COL16A1: variants seen among roughly 807,000 people sequenced by gnomAD.
COL16A1 encodes the protein collagen alpha-1(XVI) chain.
In COL16A1, 189 loss-of-function variants were observed where a neutral mutation model predicts 266.3. The observed-to-expected ratio is 0.71, with a 90% confidence interval of 0.63 to 0.80. COL16A1 has a LOEUF of 0.80. Ranked by LOEUF, COL16A1 falls within the 30% of genes least tolerant of loss-of-function variation. COL16A1 has a pLI of 0.00. For synonymous variants in COL16A1, 740 were observed against 782.3 expected, an observed-to-expected ratio of 0.95 and a Z score of 0.90; for missense variants, 1,928 against 2,122.4, an observed-to-expected ratio of 0.91 and a Z score of 1.80.
At position 31,661,095 on chromosome 1, in the gene COL16A1, G is replaced by T. The variant is rs907747180; in HGVS notation, c.3796C>A (p.Pro1266Thr). The part of the protein sequence containing the change: ...PKGDCGKPGP[P>T]GSTGRPGAEG... ...GCGCCAGGCCGGCCAGTGCTGCCAG[G>T]GGGACCTGGTTTGCCACAGTCACCC... The change falls in exon 61 of 71, where the codon CCT becomes ACT. Residue 1266 changes from proline to threonine, a missense_variant. By Grantham distance (38) the Pro-to-Thr change is conservative. Coordinates refer to ENST00000373672, the MANE Select transcript of COL16A1 (RefSeq NM_001856.4). The T allele has an allele frequency of 6.4e-6, 10 of 1,565,742 alleles. No individual in the cohort carries two copies. The highest frequency in any genetic ancestry group is 7.8e-6 in the Non-Finnish European group (9 of 1,154,212).
In COL16A1 at chr1:31,691,344, C is replaced by G. The variant is rs377449159; in HGVS notation, c.1398+73G>C. 97 of 1,581,450 alleles carry G rather than the reference C, an allele frequency of 6.1e-5. 1 individual carries two copies. The African/African-American group carries it at 6.5e-4, about 11-fold the overall frequency. ...CTGGGACAGAGCCTTATCTTCCCCC[C>G]GTTCATTCCCTGGCCAGGGTGGGAG... On this transcript the variant is annotated intron_variant, in intron 19 of 70. Coordinates refer to ENST00000373672, the MANE Select transcript of COL16A1 (RefSeq NM_001856.4).
At chr1:31,700,423 C>G (rs1254595419) in intron 2 of COL16A1, among the ~76,000 whole-genome samples, 1 of 152,252 alleles carries the variant, frequency 6.6e-6, no homozygotes, top group Non-Finnish European at 1.5e-5. Context: ...AAGTCAGGAG[C>G]TAGGCCAGCA....
Position 31,658,765 on chromosome 1 carries a change from G to A in COL16A1, c.3930+149C>T, listed in dbSNP as rs144832433. On this transcript the variant is annotated intron_variant, in intron 63 of 70. Coordinates refer to ENST00000373672, the MANE Select transcript of COL16A1 (RefSeq NM_001856.4). ...AGCCCTCTGCCACATCCTGGAAGGCGAGATCTTTGGAGGCAGGAGAGGCTG... is the reference window on the plus strand; with the variant it reads ...AGCCCTCTGCCACATCCTGGAAGGCAAGATCTTTGGAGGCAGGAGAGGCTG... 360 of 1,112,926 alleles carry A rather than the reference G, an allele frequency of 3.2e-4. 1 individual carries two copies. The African/African-American group carries it at 5.0e-3, about 16-fold the overall frequency. 68.9% of individuals were successfully genotyped at this position (1,112,926 alleles called of 1,614,324 possible).
At chr1:31,672,687 C>T (rs1642833282) in intron 45 of COL16A1, 37 bp downstream of exon 45, 2 of 1,608,476 alleles carry the variant, frequency 1.2e-6, no homozygotes, top group Admixed American at 3.4e-5. Context: ...GCCAGGGAAC[C>T]CTCCTGCATA....
chr1:31,675,380 C>T, intron 42 of COL16A1, 69 bp from the exon 43 acceptor site: 1 of 1,573,576 alleles, frequency 6.4e-7, no homozygotes, highest in Non-Finnish European at 8.6e-7. Context: ...CTGTTTCCTT[C>T]TCATCATCCC....
Position 31,688,855 on chromosome 1 carries a change from A to C in COL16A1, c.1767+6T>G. ...TGGGCTGGGCTGGGAGAAAGTCGTC[A>C]CTCACCGGAAGGCCAGGCAGACCAA... On this transcript the variant is annotated splice_donor_region_variant and intron_variant, in intron 25 of 70. Transcript: ENST00000373672. The surrounding 1 kb of genome is among the most constrained non-coding windows in gnomAD (Gnocchi z 4.9). 18 of 1,611,988 alleles carry C rather than the reference A, an allele frequency of 1.1e-5. No individual in the cohort carries two copies. Among genetic ancestry groups the C allele is most frequent in the Non-Finnish European group, 1.5e-5 (18 of 1,178,906 alleles).
intron 58 of COL16A1, 39 bp from the exon 59 acceptor site, chr1:31,661,743 G>T: frequency 6.3e-7 from 1 of 1,582,964 alleles, no homozygotes; most frequent in East Asian, 2.2e-5. Context: ...CAAGAGTTTT[G>T]CCCAGCTTGT....
chr1:31,680,134 T>A (rs1254056353), intron 39 of COL16A1, 33 bp from the exon 40 acceptor site: 4 of 1,606,736 alleles, frequency 2.5e-6, no homozygotes, highest in Non-Finnish European at 3.4e-6. Flanking sequence ...GAGACATGGA[T>A]GAAGACGAAG....
In COL16A1 at chr1:31,697,965, T is replaced by G. The variant is rs750351217; in HGVS notation, c.598A>C (p.Met200Leu). 4.3e-6 allele frequency: 7 copies of G among 1,612,606 alleles called. No individual in the cohort carries two copies. Among genetic ancestry groups the G allele is most frequent in the Non-Finnish European group, 5.9e-6 (7 of 1,179,962 alleles). The change falls in exon 6 of 71, where the codon ATG becomes CTG. Residue 200 changes from methionine (M) to leucine (L), a missense_variant. Transcript: ENST00000373672. The surrounding 1 kb of genome is among the most constrained non-coding windows in gnomAD (Gnocchi z 4.2). Reference sequence around the variant, plus strand: ...AGAAATACATGGCCCACAGGCCTCATGGGTCGTCGGGGCCCCAGAGGCTGG... The same window carrying G: ...AGAAATACATGGCCCACAGGCCTCAGGGGTCGTCGGGGCCCCAGAGGCTGG... ...SSQPLGPRRP[M>L]RPVGHVFLGL...
intron 26 of COL16A1, among the ~76,000 whole-genome samples, chr1:31,686,927 A>C (rs999502902): frequency 6.6e-6 from 1 of 152,250 alleles, no homozygotes; most frequent in Non-Finnish European, 1.5e-5. Context: ...CGGCTAAAGC[A>C]GAGTAAACCC....
Position 31,682,963 on chromosome 1 carries a change from G to T in COL16A1, c.2509C>A (p.Pro837Thr), listed in dbSNP as rs376794116. The change falls in exon 37 of 71, where the codon CCT becomes ACT. Residue 837 changes from proline to threonine, a missense_variant. By Grantham distance (38) the Pro-to-Thr change is conservative. Transcript: ENST00000373672. ...GVKGATGPVGPPGASVSGPPG... is the reference protein window; with the variant it reads ...GVKGATGPVGTPGASVSGPPG... ...GGCCCAGAGACACTGGCCCCAGGAGGTCCCACAGGTCCGGTGGCTCCTTTC... is the reference window on the plus strand; with the variant it reads ...GGCCCAGAGACACTGGCCCCAGGAGTTCCCACAGGTCCGGTGGCTCCTTTC... 1.1e-5 allele frequency: 18 copies of T among 1,614,040 alleles called. No individual in the cohort carries two copies. Among genetic ancestry groups the T allele is most frequent in the Non-Finnish European group, 1.4e-5 (17 of 1,180,018 alleles).
intron 30 of COL16A1, 62 bp from the exon 31 acceptor site, chr1:31,684,692 G>A: frequency 2.5e-6 from 4 of 1,607,262 alleles, no homozygotes; most frequent in Non-Finnish European, 3.4e-6. Context: ...TTGCCCCCCT[G>A]GGACTCGCAG....
At position 31,666,045 on chromosome 1, in the gene COL16A1, C is replaced by G. The variant is rs1642113877; in HGVS notation, c.3394G>C (p.Gly1132Arg). 6.2e-7 allele frequency: 1 copy of G among 1,613,304 alleles called. No homozygotes were observed. The highest frequency in any genetic ancestry group is 1.3e-5 in the African/African-American group (1 of 74,824). Residue 1132 changes from glycine to arginine, a missense_variant, in exon 53 of 71, where the codon GGC becomes CGC. Physicochemically the swap from Gly to Arg is moderately radical, Grantham distance 125. Coordinates refer to ENST00000373672, the MANE Select transcript of COL16A1 (RefSeq NM_001856.4). Reference protein sequence around the residue: ...PGSEGLPGPPGPAGPRGERGP... With the variant: ...PGSEGLPGPPRPAGPRGERGP... ...TGCCCTCCTTCACTCACCGCTGGGC[C>G]TGGGGGGCCTGGGAGGCCTTCAGAT... is the stretch of plus-strand genomic sequence containing the variant.
chr1:31,691,507 G>A lies in COL16A1; in HGVS notation c.1308C>T (p.Asp436=), dbSNP rs200570734. ...GCCCCTCAGGCCCAACAAAGCCAGGGTCTCCCTGGCACAGACATAAGGTGG... is the reference window on the plus strand; with the variant it reads ...GCCCCTCAGGCCCAACAAAGCCAGGATCTCCCTGGCACAGACATAAGGTGG... ...CVIGPKGQKG[D]PGFVGPEGLA... Residue 436 remains aspartate, a synonymous_variant, in exon 19 of 71, where the codon GAC becomes GAT. Coordinates refer to ENST00000373672, the MANE Select transcript of COL16A1 (RefSeq NM_001856.4). 5.9e-5 allele frequency: 95 copies of A among 1,613,824 alleles called. No homozygotes were observed. The African/African-American group carries it at 9.3e-4, about 16-fold the overall frequency.
intron 12 of COL16A1, among the ~76,000 whole-genome samples, chr1:31,693,835 T>C (rs1168711540): frequency 6.6e-6 from 1 of 152,158 alleles, no homozygotes; most frequent in Non-Finnish European, 1.5e-5. Context: ...TGGGCCTCAG[T>C]TTCCCCTGAA....
Position 31,655,470 on chromosome 1 carries a change from C to G in COL16A1, c.4134G>C (p.Gln1378His), listed in dbSNP as rs768728564. Residue 1378 changes from glutamine (Q) to histidine (H), a missense_variant, in exon 67 of 71, where the codon CAG becomes CAC. Gln to His is a conservative substitution (Grantham distance 24). Around this residue, in one of 2 missense-constraint regions of COL16A1, gnomAD observed 376 missense variants for 485.2 expected, o/e 0.77. Transcript: ENST00000373672. ...GDPGAAGQKG[Q>H]AGEKGRAGMP... ...TGCCGGCTCTCCCCTTCTCTCCTGC[C>G]TGGCCCTTCTGTCCTGCAGCTCCTG... 1 of 1,614,180 alleles carries G rather than the reference C, an allele frequency of 6.2e-7. No individual in the cohort carries two copies. The highest frequency in any genetic ancestry group is 8.5e-7 in the Non-Finnish European group (1 of 1,180,016).
Position 31,689,732 on chromosome 1 carries a change from G to A in COL16A1, c.1620+9C>T. ...GGGAGGTCCCTCAATGGTCACCCTG[G>A]GCACTCACCCTGGCTGGTACAGGAT... is the stretch of plus-strand genomic sequence containing the variant. On this transcript the variant is annotated intron_variant, in intron 23 of 70. Coordinates refer to ENST00000373672, the MANE Select transcript of COL16A1 (RefSeq NM_001856.4). 1 of 1,610,456 alleles carries A rather than the reference G, an allele frequency of 6.2e-7. No homozygotes were observed. The highest frequency in any genetic ancestry group is 1.1e-5 in the South Asian group (1 of 91,010).
Position 31,695,799 on chromosome 1 carries a change from G to GT in COL16A1, c.919-13dup, listed in dbSNP as rs776823616. On this transcript the variant is annotated splice_polypyrimidine_tract_variant and intron_variant, in intron 9 of 70. Coordinates refer to ENST00000373672, the MANE Select transcript of COL16A1 (RefSeq NM_001856.4). ...GTCTCCTGATGGACCTGAGGAAAGG[G>GT]TGGGGGGTGTGGGAATGGGCAGGGA... The GT allele has an allele frequency of 6.8e-6, 11 of 1,612,354 alleles. No individual in the cohort carries two copies. The Admixed American group carries it at 1.8e-4, about 27-fold the overall frequency.
Position 31,685,678 on chromosome 1 carries a change from C to T in COL16A1, c.1977G>A (p.Gly659=). ...AGCCAAAGCCTGGAGGCCCAGGTTC[C>T]CCCTTCTCTCCGGATGGGCCAGGCA... ...VALPGPSGEK[G]EPGPPGFGLP... Residue 659 remains glycine (G), a synonymous_variant, in exon 29 of 71, where the codon GGG becomes GGA. Transcript: ENST00000373672. The surrounding 1 kb of genome is among the most constrained non-coding windows in gnomAD (Gnocchi z 4.0). 1.2e-6 allele frequency: 2 copies of T among 1,613,992 alleles called. No individual in the cohort carries two copies. The highest frequency in any genetic ancestry group is 1.7e-6 in the Non-Finnish European group (2 of 1,179,992).
Sources: allele counts gnomAD v4.1 joint callset (sites outside exome capture counted in the v4.1 genomes callset), GRCh38; gene constraint gnomAD v4.1.1; regional missense constraint gnomAD v4.1.1; non-coding constraint Gnocchi (gnomAD v3.1); transcripts MANE v1.5; gene names NCBI Gene and HGNC (gene_info 2026-07-23, HGNC 2026-07-21).